GRID1: variants seen among roughly 807,000 people sequenced by gnomAD.
GRID1 encodes glutamate ionotropic receptor delta type subunit 1.
Under a neutral mutation model 98.0 loss-of-function variants are expected in GRID1, and 28 were observed. The ratio of observed to expected loss-of-function variants is 0.29; its 90% CI spans 0.21 to 0.39. The LOEUF (loss-of-function observed/expected upper bound fraction) is 0.39, where lower values mean the gene tolerates loss of function less well. Ranked by LOEUF, GRID1 falls within the 10% of genes least tolerant of loss-of-function variation. The pLI, the probability that GRID1 is intolerant of heterozygous loss-of-function variation, is 1.00. For missense variants in GRID1, 1,111 were observed against 1,340.5 expected (o/e 0.83, Z 2.67); for synonymous variants, 553 against 538.5 (o/e 1.03, Z -0.37).
intron 8 of GRID1, among the ~76,000 whole-genome samples, chr10:85,781,492 C>T (rs947379106): frequency 1.3e-5 from 2 of 152,176 alleles, no homozygotes; most frequent in African/African-American, 4.8e-5. Flanking sequence ...TTATTGATTA[C>T]ATGAGCTGCA....
intron 4 of GRID1, among the ~76,000 whole-genome samples, chr10:86,095,956 C>A (rs1203518939): frequency 6.6e-6 from 1 of 152,166 alleles, no homozygotes; most frequent in East Asian, 1.9e-4. Context: ...AATCATGGAA[C>A]CAACCCAAAT....
At chr10:86,324,228 C>T (rs1186380515) in intron 2 of GRID1, among the ~76,000 whole-genome samples, 1 of 151,942 alleles carries the variant, frequency 6.6e-6, no homozygotes, top group Non-Finnish European at 1.5e-5. Flanking sequence ...AACTAAAATC[C>T]CAGCTGGCCT....
At chr10:85,811,529 A>G (rs1176921170) in intron 8 of GRID1, among the ~76,000 whole-genome samples, 1 of 152,172 alleles carries the variant, frequency 6.6e-6, no homozygotes, top group East Asian at 1.9e-4. Flanking sequence ...AACCAAACAA[A>G]AATTCTAGAC....
intron 13 of GRID1, among the ~76,000 whole-genome samples, chr10:85,629,554 G>T (rs531409881): frequency 1.6e-4 from 24 of 152,132 alleles, no homozygotes; most frequent in Non-Finnish European, 3.1e-4. Flanking sequence ...TACTGCAAAA[G>T]ACATTATTTT....
chr10:85,786,871 G>T (rs981855291), intron 8 of GRID1, among the ~76,000 whole-genome samples: 2 of 151,794 alleles, frequency 1.3e-5, no homozygotes, highest in African/African-American at 4.8e-5. Context: ...GCGTGGAGGA[G>T]GGGTGGTGGG....
chr10:85,689,096 A>T (rs1184117160), intron 12 of GRID1, among the ~76,000 whole-genome samples: 6 of 152,224 alleles, frequency 3.9e-5, no homozygotes, highest in Non-Finnish European at 8.8e-5. Context: ...TTCAGTTTAA[A>T]ATGTCTCCGT....
chr10:86,359,678 A>G lies in GRID1; in HGVS notation c.235+4263T>C, dbSNP rs141111940. ...AGGTATATCTACAGCATATCTAATA[A>G]CTCTCGTCTTTTACTCACAGTAAAA... On this transcript the variant is annotated intron_variant, in intron 2 of 15. Coordinates refer to ENST00000327946, the MANE Select transcript of GRID1 (RefSeq NM_017551.3). Among the ~76,000 whole-genome samples the G allele has an allele frequency of 1.3e-3, 194 of 152,204 alleles. 2 individuals are homozygous for G. The highest frequency in any genetic ancestry group is 8.5e-3 in the Admixed American group (130 of 15,296).
At chr10:85,743,113 C>CCCA (rs1554828636) in intron 8 of GRID1, among the ~76,000 whole-genome samples, 62 of 134,302 alleles carry the variant, frequency 4.6e-4, no homozygotes, top group African/African-American at 1.5e-3. Context: ...CAGCCCCCCC[C>CCCA]CCCACCACCC....
At chr10:85,950,534 C>T (rs997237356) in intron 4 of GRID1, among the ~76,000 whole-genome samples, 1 of 152,120 alleles carries the variant, frequency 6.6e-6, no homozygotes, top group African/African-American at 2.4e-5. Flanking sequence ...CCAAGCCTGA[C>T]CAGACTGTGA....
intron 4 of GRID1, among the ~76,000 whole-genome samples, chr10:85,976,925 C>A (rs1009108618): frequency 6.6e-6 from 1 of 152,188 alleles, no homozygotes; most frequent in Non-Finnish European, 1.5e-5. Context: ...TCTGCAACTA[C>A]CAGAGATGGT....
intron 4 of GRID1, among the ~76,000 whole-genome samples, chr10:86,054,442 T>C (rs544377569): frequency 1.1e-3 from 167 of 152,304 alleles, no homozygotes; most frequent in Non-Finnish European, 1.9e-3. Flanking sequence ...TTTAGGCTGA[T>C]CTTCCCCTAA....
At chr10:86,118,738 T>C (rs1844623308) in intron 4 of GRID1, among the ~76,000 whole-genome samples, 1 of 152,214 alleles carries the variant, frequency 6.6e-6, no homozygotes, top group Non-Finnish European at 1.5e-5. Flanking sequence ...TGATAAGTCA[T>C]GTTAATAGTA....
chr10:86,228,183 GGGTGGATGGATGTGTA>G (rs1347000521), intron 2 of GRID1, among the ~76,000 whole-genome samples: 1 of 151,092 alleles, frequency 6.6e-6, no homozygotes. Context: ...TTGAGTAGGT[GGGTGGATGGATGTGTA>G]GGTGGGTGGG....
chr10:85,779,670 C>T (rs1019923566), intron 8 of GRID1, among the ~76,000 whole-genome samples: 8 of 152,064 alleles, frequency 5.3e-5, no homozygotes, highest in Non-Finnish European at 1.0e-4. Flanking sequence ...AGAAATGTGA[C>T]GAGGTTAATT....
chr10:85,809,026 T>G (rs1449177752), intron 8 of GRID1, among the ~76,000 whole-genome samples: 2 of 151,852 alleles, frequency 1.3e-5, no homozygotes, highest in East Asian at 3.9e-4. Flanking sequence ...GTTAAAAAAT[T>G]TGAACAAATA....
intron 4 of GRID1, among the ~76,000 whole-genome samples, chr10:85,954,037 A>G (rs1203451446): frequency 6.6e-6 from 1 of 152,220 alleles, no homozygotes; most frequent in Non-Finnish European, 1.5e-5. Flanking sequence ...GGAATTTGGC[A>G]CTTCATAATC....
At chr10:85,918,055 G>A (rs781337301) in intron 4 of GRID1, among the ~76,000 whole-genome samples, 28 of 152,186 alleles carry the variant, frequency 1.8e-4, no homozygotes, top group South Asian at 4.1e-4. Flanking sequence ...TGCTCTGAGC[G>A]CATCGCTGGG....
At position 86,243,253 on chromosome 10, in the gene GRID1, G is replaced by A. The variant is rs796740230; in HGVS notation, c.236-36605C>T. Among the ~76,000 whole-genome samples, 3 of 152,212 alleles carry A rather than the reference G, an allele frequency of 2.0e-5. No homozygotes were observed. In the South Asian group the frequency reaches 6.2e-4, roughly 32 times the overall value. ...AGTACCACCAAGGCCCAGAGGCCTG[G>A]CTCTGCAGACCCGTGCTCAATAGGG... On this transcript the variant is annotated intron_variant, in intron 2 of 15. Transcript: ENST00000327946.
intron 4 of GRID1, among the ~76,000 whole-genome samples, chr10:86,030,290 T>G (rs565813947): frequency 6.6e-6 from 1 of 152,312 alleles, no homozygotes; most frequent in Admixed American, 6.5e-5. Flanking sequence ...AGACAGAAGG[T>G]TTAAGCATGT....
Sources: gnomAD v4.1 joint callset for allele counts (sites outside exome capture counted in the v4.1 genomes callset) on GRCh38, gnomAD v4.1.1 for gene constraint, MANE v1.5 for transcripts, NCBI Gene and HGNC (gene_info 2026-07-23, HGNC 2026-07-21) for gene names.